The following SLC44A1 variants were observed in gnomAD, a reference collection of about 807,000 sequenced individuals.
SLC44A1 encodes choline transporter-like protein 1.
In SLC44A1, 26 loss-of-function variants were observed where a neutral mutation model predicts 79.3. The ratio of observed to expected loss-of-function variants is 0.33; its 90% CI spans 0.24 to 0.46. The LOEUF (loss-of-function observed/expected upper bound fraction) is 0.46, where lower values mean the gene tolerates loss of function less well. SLC44A1 is among the 20% of genes least tolerant of loss of function. SLC44A1 has a pLI of 1.00. For missense variants in SLC44A1, 688 were observed against 798.1 expected (o/e 0.86, Z 1.66); for synonymous variants, 263 against 286.2 (o/e 0.92, Z 0.82).
chr9:105,251,322 C>T (rs1829582852), intron 1 of SLC44A1, among the ~76,000 whole-genome samples: 1 of 152,162 alleles, frequency 6.6e-6, no homozygotes, highest in African/African-American at 2.4e-5. Flanking sequence ...TATATCTAGT[C>T]ACCACATCTT....
At chr9:105,426,156 A>G (rs148633070) in intron 15 of SLC44A1, among the ~76,000 whole-genome samples, 1,923 of 152,320 alleles carry the variant, frequency 0.013, 15 homozygotes, top group Non-Finnish European at 0.02. Context: ...GCCTTTCTAT[A>G]TAAACCATTT....
intron 1 of SLC44A1, among the ~76,000 whole-genome samples, chr9:105,261,855 C>T (rs1300555856): frequency 2.0e-5 from 3 of 149,670 alleles, no homozygotes; most frequent in African/African-American, 7.4e-5. Context: ...TCTCGGCTCA[C>T]TGCAGCCTCT....
rs1828488120 is a variant in SLC44A1 at position 105,382,199 on chromosome 9, G to A, written c.1633-924G>A. ...TACTCTTTTTTTTCTACTCAGGTCG[G>A]GTGGCATCTGTAAGTGTGTTTCCAA... On this transcript the variant is annotated intron_variant, in intron 13 of 15. Coordinates refer to ENST00000374720, the MANE Select transcript of SLC44A1 (RefSeq NM_080546.5). 2.0e-5 allele frequency among the ~76,000 whole-genome samples: 3 copies of A among 151,942 alleles called. No individual in the cohort carries two copies. In the South Asian group the frequency reaches 6.2e-4, roughly 32 times the overall value.
At chr9:105,414,423 C>G (rs926997636) in intron 15 of SLC44A1, among the ~76,000 whole-genome samples, 1 of 152,216 alleles carries the variant, frequency 6.6e-6, no homozygotes, top group Admixed American at 6.5e-5. Flanking sequence ...CCTAAGAATG[C>G]ATGCTCCCTC....
chr9:105,421,639 G>A (rs1366322199), intron 15 of SLC44A1, among the ~76,000 whole-genome samples: 7 of 148,292 alleles, frequency 4.7e-5, no homozygotes, highest in Non-Finnish European at 8.9e-5. Flanking sequence ...GGTAGGCAGA[G>A]TGCAGTGGCG....
intron 2 of SLC44A1, among the ~76,000 whole-genome samples, chr9:105,307,579 G>A (rs1212830501): frequency 6.6e-6 from 1 of 151,652 alleles, no homozygotes; most frequent in African/African-American, 2.4e-5. Context: ...GGAAGGCAGA[G>A]GTTGCAGTGA....
At chr9:105,402,620 A>T (rs1828972193) in intron 15 of SLC44A1, among the ~76,000 whole-genome samples, 1 of 152,212 alleles carries the variant, frequency 6.6e-6, no homozygotes, top group Non-Finnish European at 1.5e-5. Flanking sequence ...CCACTCCCTG[A>T]TAATGATTTC....
intron 4 of SLC44A1, among the ~76,000 whole-genome samples, chr9:105,344,275 T>C (rs558591299): frequency 1.6e-4 from 24 of 152,150 alleles, no homozygotes; most frequent in African/African-American, 5.8e-4. Context: ...GCATAGAAAC[T>C]CTTTGTTTTG....
intron 12 of SLC44A1, among the ~76,000 whole-genome samples, chr9:105,373,969 C>T (rs1389389655): frequency 6.6e-6 from 1 of 152,106 alleles, no homozygotes; most frequent in African/African-American, 2.4e-5. Context: ...AAGACCCATC[C>T]CCAGAGCTGG....
intron 1 of SLC44A1, among the ~76,000 whole-genome samples, chr9:105,263,047 T>C (rs1326639328): frequency 2.6e-5 from 4 of 152,208 alleles, no homozygotes; most frequent in Non-Finnish European, 5.9e-5. Flanking sequence ...TCTAGTCCTA[T>C]TTTAGAATGA....
Position 105,396,084 on chromosome 9 carries a change from CA to C in SLC44A1, c.*7029del. ...TATTGTTTTTGCCTATTTTGATTTT[CA>C]GAGATGATCACATGGGGACAGTTAA... is the stretch of plus-strand genomic sequence containing the variant. On this transcript the variant is annotated 3_prime_UTR_variant, in exon 16 of 16. Transcript: ENST00000374720. The C allele has an allele frequency of 1.0e-6, 1 of 985,236 alleles. No individual in the cohort carries two copies. Among genetic ancestry groups the C allele is most frequent in the Non-Finnish European group, 1.2e-6 (1 of 829,900 alleles). The allele number at this position is 985,236 out of a possible 1,614,324, so 61.0% of individuals were successfully genotyped here.
Position 105,391,799 on chromosome 9 carries a change from C to G in SLC44A1, c.*2743C>G. ...AATTTCTCTGTGAAATGTGGATACC[C>G]GAATAATTTCATAAATCATTGATTC... On this transcript the variant is annotated 3_prime_UTR_variant, in exon 16 of 16. Transcript: ENST00000374720. 1 of 985,030 alleles carries G rather than the reference C, an allele frequency of 1.0e-6. No homozygotes were observed. Among genetic ancestry groups the G allele is most frequent in the Non-Finnish European group, 1.2e-6 (1 of 829,712 alleles). 61.0% of individuals were successfully genotyped at this position (985,030 alleles called of 1,614,324 possible).
intron 12 of SLC44A1, among the ~76,000 whole-genome samples, chr9:105,368,251 C>T (rs961556492): frequency 2.6e-5 from 4 of 151,018 alleles, no homozygotes; most frequent in South Asian, 2.1e-4. Context: ...TTCGTAGGCA[C>T]GATGTTTGAA....
Position 105,244,811 on chromosome 9 carries a change from G to A in SLC44A1, c.-58G>A. 9.3e-7 allele frequency: 1 copy of A among 1,071,138 alleles called. No homozygotes were observed. Among genetic ancestry groups the A allele is most frequent in the Non-Finnish European group, 1.1e-6 (1 of 875,342 alleles). The allele number at this position is 1,071,138 out of a possible 1,614,324, so 66.4% of individuals were successfully genotyped here. On this transcript the variant is annotated 5_prime_UTR_variant, in exon 1 of 16. Transcript: ENST00000374720. ...GGGCGCCCGCCGGCTCGCATGCCGA[G>A]GGGCTCCGGGGCGTAGCTGCGCGCC...
In SLC44A1 at chr9:105,393,627, T is replaced by C; in HGVS notation, c.*4571T>C. 1 of 981,322 alleles carries C rather than the reference T, an allele frequency of 1.0e-6. No individual in the cohort carries two copies. Among genetic ancestry groups the C allele is most frequent in the Non-Finnish European group, 1.2e-6 (1 of 826,188 alleles). 60.8% of individuals were successfully genotyped at this position (981,322 alleles called of 1,614,324 possible). A position where few individuals can be genotyped will look rare whatever the true frequency, so the allele number is the denominator to read the frequency against. On this transcript the variant is annotated 3_prime_UTR_variant, in exon 16 of 16. Coordinates refer to ENST00000374720, the MANE Select transcript of SLC44A1 (RefSeq NM_080546.5). ...ACCTTTCTTTTCTATAGAAATACTG[T>C]AGTGCCCTTTCTTCCCATCTTGATT...
At chr9:105,349,677 A>G (rs1827345773) in intron 5 of SLC44A1, among the ~76,000 whole-genome samples, 1 of 152,136 alleles carries the variant, frequency 6.6e-6, no homozygotes, top group African/African-American at 2.4e-5. Context: ...TTAGGAGAAA[A>G]TTTATCCATA....
intron 1 of SLC44A1, among the ~76,000 whole-genome samples, chr9:105,247,288 T>C (rs541666321): frequency 2.6e-5 from 4 of 152,222 alleles, no homozygotes; most frequent in African/African-American, 4.8e-5. Flanking sequence ...TCAAAAGTAT[T>C]TTCTTCTTTT....
Position 105,391,138 on chromosome 9 carries a change from G to T in SLC44A1, c.*2082G>T. 1.0e-6 allele frequency: 1 copy of T among 985,630 alleles called. No homozygotes were observed. Among genetic ancestry groups the T allele is most frequent in the Non-Finnish European group, 1.2e-6 (1 of 829,884 alleles). 61.1% of individuals were successfully genotyped at this position (985,630 alleles called of 1,614,324 possible). A position where few individuals can be genotyped will look rare whatever the true frequency, so the allele number is the denominator to read the frequency against. On this transcript the variant is annotated 3_prime_UTR_variant, in exon 16 of 16. Coordinates refer to ENST00000374720, the MANE Select transcript of SLC44A1 (RefSeq NM_080546.5). ...TTCCAGGAGCTAGCAATTTTAAGAG[G>T]TGTCCCTCCAAAGTGACCTGATGGA...
Position 105,396,872 on chromosome 9 carries a change from G to T in SLC44A1, c.*7816G>T, listed in dbSNP as rs1828886963. 16 of 984,978 alleles carry T rather than the reference G, an allele frequency of 1.6e-5. No individual in the cohort carries two copies. Among genetic ancestry groups the T allele is most frequent in the Non-Finnish European group, 1.9e-5 (16 of 829,814 alleles). 61.0% of individuals were successfully genotyped at this position (984,978 alleles called of 1,614,324 possible). A position where few individuals can be genotyped will look rare whatever the true frequency, so the allele number is the denominator to read the frequency against. On this transcript the variant is annotated 3_prime_UTR_variant, in exon 16 of 16. Coordinates refer to ENST00000374720, the MANE Select transcript of SLC44A1 (RefSeq NM_080546.5). ...AATCATTTACCTTACCATTATTTTG[G>T]ATTTTTTTCTTATTACAGTGTCACT...
Sources: allele counts gnomAD v4.1 joint callset (sites outside exome capture counted in the v4.1 genomes callset), GRCh38; gene constraint gnomAD v4.1.1; transcripts MANE v1.5; gene names NCBI Gene and HGNC (gene_info 2026-07-23, HGNC 2026-07-21).